The following MEIKIN variants were observed in gnomAD, a reference collection of about 807,000 sequenced individuals.
MEIKIN encodes the protein meiotic kinetochore factor.
intron 8 of MEIKIN, among the ~76,000 whole-genome samples, chr5:131,891,072 G>A (rs1278759235): frequency 6.6e-6 from 1 of 152,182 alleles, no homozygotes; most frequent in Non-Finnish European, 1.5e-5. Flanking sequence ...TTGCACTGTG[G>A]TCTGAGAGAC....
At chr5:131,892,388 A>C (rs1580893849) in intron 8 of MEIKIN, among the ~76,000 whole-genome samples, 3 of 152,090 alleles carry the variant, frequency 2.0e-5, no homozygotes, top group African/African-American at 7.2e-5. Flanking sequence ...ACATAGTCCC[A>C]TATTTCTTGG....
chr5:131,836,207 T>G (rs1254742898), intron 11 of MEIKIN, among the ~76,000 whole-genome samples: 2 of 152,160 alleles, frequency 1.3e-5, no homozygotes, highest in East Asian at 3.8e-4. Flanking sequence ...CCATCCATGT[T>G]CCTGCAAAAG....
chr5:131,809,788 C>T (rs1772917772), intron 12 of MEIKIN, among the ~76,000 whole-genome samples: 3 of 149,160 alleles, frequency 2.0e-5, no homozygotes, highest in South Asian at 4.3e-4. Context: ...CAGAGTGAGA[C>T]TCTGTCTCAA....
intron 9 of MEIKIN, 65 bp downstream of exon 9, chr5:131,878,913 A>AAT (rs1321539161): frequency 2.5e-6 from 1 of 396,762 alleles, no homozygotes; most frequent in Non-Finnish European, 4.4e-6. Flanking sequence ...ACTGTTAGTT[A>AAT]AAAGTATATT....
chr5:131,828,823 T>C (rs1395488160), intron 11 of MEIKIN, among the ~76,000 whole-genome samples: 1 of 152,184 alleles, frequency 6.6e-6, no homozygotes, highest in Non-Finnish European at 1.5e-5. Flanking sequence ...TTAAAAGTCT[T>C]CATGCACTCA....
intron 9 of MEIKIN, among the ~76,000 whole-genome samples, chr5:131,868,636 G>A (rs559678576): frequency 6.9e-4 from 105 of 151,684 alleles, no homozygotes; most frequent in Non-Finnish European, 1.3e-3. Flanking sequence ...GCAGAGGTGT[G>A]GTCAGGGCTC....
rs539359247 is a variant in MEIKIN at position 131,878,356 on chromosome 5, A to T, written c.774+622T>A. ...GCCGAGGCGGGCGGATCACGAGGTC[A>T]GGAGATCGAGTCCATCCTGGCTAAC... On this transcript the variant is annotated intron_variant, in intron 9 of 12. Transcript: ENST00000442687. Among the ~76,000 whole-genome samples, 311 of 152,298 alleles carry T rather than the reference A, an allele frequency of 2.0e-3. 1 individual carries two copies. The highest frequency in any genetic ancestry group is 7.1e-3 in the African/African-American group (295 of 41,568).
intron 11 of MEIKIN, among the ~76,000 whole-genome samples, chr5:131,829,552 TAG>T: frequency 6.6e-6 from 1 of 152,090 alleles, no homozygotes; most frequent in East Asian, 1.9e-4. Flanking sequence ...TCTGAAGATC[TAG>T]AGAGGCAATA....
chr5:131,831,242 TTA>T (rs1195370188), intron 11 of MEIKIN, among the ~76,000 whole-genome samples: 2 of 152,144 alleles, frequency 1.3e-5, no homozygotes, highest in African/African-American at 4.8e-5. Context: ...TCCTTCCCAT[TTA>T]TATGAGTCAA....
At chr5:131,865,538 G>A (rs1274835201) in intron 9 of MEIKIN, among the ~76,000 whole-genome samples, 3 of 152,146 alleles carry the variant, frequency 2.0e-5, no homozygotes, top group Non-Finnish European at 4.4e-5. Context: ...TTTTGTATTA[G>A]GATCTGTTGC....
At chr5:131,861,269 G>T (rs1196774906) in intron 9 of MEIKIN, among the ~76,000 whole-genome samples, 1 of 151,892 alleles carries the variant, frequency 6.6e-6, no homozygotes, top group African/African-American at 2.4e-5. Flanking sequence ...CATGCCTGTA[G>T]TCCCAGCTAC....
intron 5 of MEIKIN, among the ~76,000 whole-genome samples, chr5:131,929,615 C>A (rs774948827): frequency 1.9e-4 from 29 of 152,178 alleles, no homozygotes; most frequent in Admixed American, 1.4e-3. Flanking sequence ...GCTTGGTGTA[C>A]AAATGGATTT....
chr5:131,920,295 T>A (rs1751483122), intron 6 of MEIKIN, among the ~76,000 whole-genome samples: 1 of 152,162 alleles, frequency 6.6e-6, no homozygotes. Context: ...AAGAGAAAGT[T>A]CTTCTTTTAC....
intron 9 of MEIKIN, among the ~76,000 whole-genome samples, chr5:131,875,079 G>T (rs1580884592): frequency 6.6e-6 from 1 of 152,136 alleles, no homozygotes. Flanking sequence ...TTTGAAAACT[G>T]GCACAAGACA....
chr5:131,927,331 A>G (rs1007968900), intron 5 of MEIKIN, among the ~76,000 whole-genome samples: 5 of 152,200 alleles, frequency 3.3e-5, no homozygotes, highest in Non-Finnish European at 5.9e-5. Flanking sequence ...GTCAGAAAAG[A>G]TACTTGGTAT....
intron 4 of MEIKIN, among the ~76,000 whole-genome samples, chr5:131,934,463 G>A (rs567681118): frequency 2.6e-5 from 4 of 152,182 alleles, no homozygotes; most frequent in African/African-American, 7.2e-5. Context: ...CAATTCAGTG[G>A]AGAAAGGATA....
chr5:131,856,354 C>G (rs1001685851), intron 9 of MEIKIN, among the ~76,000 whole-genome samples: 6 of 152,080 alleles, frequency 3.9e-5, no homozygotes, highest in Non-Finnish European at 8.8e-5. Flanking sequence ...TTTCTTCAAA[C>G]AAAGAACCAG....
chr5:131,871,614 C>A (rs1209549370), intron 9 of MEIKIN, among the ~76,000 whole-genome samples: 1 of 152,216 alleles, frequency 6.6e-6, no homozygotes, highest in Non-Finnish European at 1.5e-5. Flanking sequence ...CCTCTGCAGA[C>A]TTAAATGTCC....
chr5:131,906,750 C>A (rs1304986217), intron 8 of MEIKIN, among the ~76,000 whole-genome samples: 1 of 152,086 alleles, frequency 6.6e-6, no homozygotes, highest in Non-Finnish European at 1.5e-5. Flanking sequence ...TTATTCTAAG[C>A]AAACTAATAC....
Sources: gnomAD v4.1 joint callset for allele counts (sites outside exome capture counted in the v4.1 genomes callset) on GRCh38, gnomAD v4.1.1 for gene constraint, MANE v1.5 for transcripts, NCBI Gene and HGNC (gene_info 2026-07-23, HGNC 2026-07-21) for gene names.